The following UAP1 variants were observed in gnomAD, a reference collection of about 807,000 sequenced individuals.
UAP1 encodes the protein UDP-N-acetylhexosamine pyrophosphorylase.
Under a neutral mutation model 58.5 loss-of-function variants are expected in UAP1, and 25 were observed. The observed-to-expected ratio is 0.43, with a 90% confidence interval of 0.31 to 0.60. UAP1 has a LOEUF of 0.60. Ranked by LOEUF, UAP1 falls within the 20% of genes least tolerant of loss-of-function variation. The pLI is 0.11. For synonymous variants in UAP1, 208 were observed against 213.0 expected (o/e 0.98, Z 0.21); for missense variants, 575 against 630.0 (o/e 0.91, Z 0.93).
chr1:162,592,293 G>A (rs1300730195), intron 8 of UAP1, among the ~76,000 whole-genome samples: 2 of 152,170 alleles, frequency 1.3e-5, no homozygotes, highest in Non-Finnish European at 2.9e-5. Flanking sequence ...GGTGGCTGAG[G>A]CAGGAGAATT....
At chr1:162,590,349 GAGA>G in exon 8 of UAP1, 1 of 1,612,412 alleles carries the variant, frequency 6.2e-7, no homozygotes, top group Non-Finnish European at 8.5e-7. Context: ...GAAGTATTGC[GAGA>G]AGATGAGTTT....
chr1:162,579,728 C>A, intron 4 of UAP1, 125 bp downstream of exon 4: 1 of 850,454 alleles, frequency 1.2e-6, no homozygotes, highest in Middle Eastern at 2.6e-4. Flanking sequence ...TTTTTTGCAG[C>A]TTGGAAATGA....
intron 10 of UAP1, 61 bp downstream of exon 10, chr1:162,597,919 GA>G: frequency 7.0e-7 from 1 of 1,426,948 alleles, no homozygotes; most frequent in East Asian, 2.3e-5. Flanking sequence ...TCAAAATAAT[GA>G]AAAAGTGGAT....
intron 2 of UAP1, among the ~76,000 whole-genome samples, chr1:162,567,939 G>A (rs1010239983): frequency 6.6e-6 from 1 of 152,098 alleles, no homozygotes; most frequent in Non-Finnish European, 1.5e-5. Flanking sequence ...GGGATTACAG[G>A]TTCGTACCAC....
downstream of UAP1, among the ~76,000 whole-genome samples, chr1:162,600,388 C>T (rs2101857672): frequency 6.6e-6 from 1 of 152,138 alleles, no homozygotes; most frequent in Non-Finnish European, 1.5e-5. Flanking sequence ...AAAGGTGGTT[C>T]TTTAAATATG....
intron 8 of UAP1, among the ~76,000 whole-genome samples, chr1:162,591,644 C>A (rs1282044347): frequency 6.6e-6 from 1 of 152,202 alleles, no homozygotes; most frequent in African/African-American, 2.4e-5. Flanking sequence ...TGCCATAAAG[C>A]CCAGCTAATT....
At chr1:162,570,024 T>C (rs1377195041) in intron 2 of UAP1, among the ~76,000 whole-genome samples, 3 of 151,886 alleles carry the variant, frequency 2.0e-5, no homozygotes, top group African/African-American at 7.3e-5. Flanking sequence ...TGGCAGGTGC[T>C]TGTAGTCCCA....
At chr1:162,589,477 G>A (rs1655170215) in intron 7 of UAP1, among the ~76,000 whole-genome samples, 1 of 150,642 alleles carries the variant, frequency 6.6e-6, no homozygotes, top group South Asian at 2.1e-4. Flanking sequence ...AGTTGTTAAA[G>A]TCATTTATTT....
downstream of UAP1, among the ~76,000 whole-genome samples, chr1:162,600,875 C>T (rs759068139): frequency 1.3e-5 from 2 of 152,156 alleles, no homozygotes; most frequent in African/African-American, 2.4e-5. Context: ...GAGTCTTTAG[C>T]TCCTGAATGC....
chr1:162,600,664 G>T (rs1381927086), downstream of UAP1, among the ~76,000 whole-genome samples: 1 of 149,294 alleles, frequency 6.7e-6, no homozygotes, highest in Non-Finnish European at 1.5e-5. Flanking sequence ...TTTTTTTGAA[G>T]AGCATGTGAT....
chr1:162,574,297 TG>T (rs1247959542), intron 2 of UAP1, among the ~76,000 whole-genome samples: 2 of 152,100 alleles, frequency 1.3e-5, no homozygotes, highest in African/African-American at 4.8e-5. Flanking sequence ...TTCACCATGT[TG>T]GCCAGGCTGG....
At chr1:162,564,984 T>G (rs961475589) in intron 1 of UAP1, among the ~76,000 whole-genome samples, 3 of 152,162 alleles carry the variant, frequency 2.0e-5, no homozygotes, top group Non-Finnish European at 2.9e-5. Flanking sequence ...TCCTCCCACC[T>G]CAGCCTTCCA....
At chr1:162,588,743 A>G (rs1452855261) in exon 7 of UAP1, 1 of 1,612,552 alleles carries the variant, frequency 6.2e-7, no homozygotes, top group Non-Finnish European at 8.5e-7. Flanking sequence ...AAGATTCCTT[A>G]TGTGGATACC....
At chr1:162,595,244 T>C (rs1036848520) in intron 9 of UAP1, among the ~76,000 whole-genome samples, 3 of 152,172 alleles carry the variant, frequency 2.0e-5, no homozygotes, top group Admixed American at 2.0e-4. Flanking sequence ...CTTAGTTTCT[T>C]GGGGTATCTT....
exon 3 of UAP1, chr1:162,576,795 A>G: frequency 6.2e-7 from 1 of 1,613,886 alleles, no homozygotes; most frequent in South Asian, 1.1e-5. Context: ...CAGATTTCTC[A>G]GAATAAAGTA....
intron 1 of UAP1, among the ~76,000 whole-genome samples, chr1:162,562,214 T>TG (rs973150390): frequency 5.9e-5 from 9 of 152,044 alleles, no homozygotes; most frequent in African/African-American, 1.7e-4. Context: ...TGTGGACAGT[T>TG]ATACCAAGTG....
At chr1:162,580,132 G>T (rs1654494062) in intron 4 of UAP1, among the ~76,000 whole-genome samples, 1 of 152,142 alleles carries the variant, frequency 6.6e-6, no homozygotes, top group South Asian at 2.1e-4. Flanking sequence ...CTCCCAAAGT[G>T]CTGGAATTAC....
chr1:162,581,409 C>A, exon 5 of UAP1: 2 of 1,613,868 alleles, frequency 1.2e-6, no homozygotes, highest in Non-Finnish European at 1.7e-6. Context: ...AGTGGCAGAC[C>A]CACGGTTCAT....
At chr1:162,572,859 T>C (rs1653954846) in intron 2 of UAP1, among the ~76,000 whole-genome samples, 1 of 152,202 alleles carries the variant, frequency 6.6e-6, no homozygotes, top group Non-Finnish European at 1.5e-5. Context: ...TATATAATTA[T>C]AATATAGCAT....
Sources: gnomAD v4.1 joint callset for allele counts (sites outside exome capture counted in the v4.1 genomes callset) on GRCh38, gnomAD v4.1.1 for gene constraint, MANE v1.5 for transcripts, NCBI Gene and HGNC (gene_info 2026-07-23, HGNC 2026-07-21) for gene names.